Variants in USP26 observed in about 807,000 individuals in gnomAD.
USP26 encodes ubiquitin carboxyl-terminal hydrolase 26.
For missense variants in USP26, 649 were observed against 642.3 expected, an observed-to-expected ratio of 1.01 and a Z score of -0.11; for synonymous variants, 236 against 240.6, an observed-to-expected ratio of 0.98 and a Z score of 0.18.
At chrX:133,082,228 C>T (rs1270729670) in intron 5 of USP26, among the ~76,000 whole-genome samples, 3 of 111,888 alleles carry the variant, frequency 2.7e-5, no homozygotes, top group Non-Finnish European at 3.8e-5. Context: ...TACAAAAAGC[C>T]GCTGTTCACA....
chrX:133,078,872 T>C (rs751433116), intron 5 of USP26, among the ~76,000 whole-genome samples: 6 of 112,324 alleles, frequency 5.3e-5, no homozygotes, highest in African/African-American at 1.6e-4. Flanking sequence ...TAACTGTTCA[T>C]TTCAGAAACT....
chrX:133,049,141 T>G (rs913621444), intron 5 of USP26, among the ~76,000 whole-genome samples: 2 of 112,195 alleles, frequency 1.8e-5, no homozygotes, highest in African/African-American at 3.2e-5. Flanking sequence ...GCGGTTGTTT[T>G]CAGCAATTTC....
intron 5 of USP26, among the ~76,000 whole-genome samples, chrX:133,063,853 T>C (rs1569510609): frequency 8.9e-5 from 10 of 112,070 alleles, no homozygotes; most frequent in Non-Finnish European, 1.5e-4. Flanking sequence ...AGCAGCATGA[T>C]GACAAGATCA....
chrX:133,086,140 T>C (rs1404903000), intron 4 of USP26, among the ~76,000 whole-genome samples: 2 of 112,033 alleles, frequency 1.8e-5, no homozygotes, highest in Admixed American at 1.9e-4. Flanking sequence ...ATACAAAATA[T>C]TGTAAAATAA....
At chrX:133,082,479 ATGT>A (rs1271812343) in intron 5 of USP26, among the ~76,000 whole-genome samples, 1 of 112,080 alleles carries the variant, frequency 8.9e-6, no homozygotes, top group Non-Finnish European at 1.9e-5. Flanking sequence ...ACACAACCAC[ATGT>A]TGTAGCTTCT....
chrX:133,027,939 C>G lies in USP26; in HGVS notation c.282G>C (p.Leu94Phe). 2 of 1,211,040 alleles carry G rather than the reference C, an allele frequency of 1.7e-6. No homozygotes were observed. Among genetic ancestry groups the G allele is most frequent in the Non-Finnish European group, 2.2e-6 (2 of 895,053 alleles). ...GATGAACTCTGTCCAAGAATATCTT[C>G]AATTGTTCAGCATCTGTGGAGGATA... ...EGLSSTDAEQ[L>F]KIFLDRVHQN... The change falls in exon 6 of 6, where the codon TTG becomes TTC. Residue 94 changes from leucine (L) to phenylalanine (F), a missense_variant. Coordinates refer to ENST00000511190, the MANE Select transcript of USP26 (RefSeq NM_031907.3).
At chrX:133,078,240 A>G (rs746737915) in intron 5 of USP26, among the ~76,000 whole-genome samples, 181 of 111,400 alleles carry the variant, frequency 1.6e-3, no homozygotes, top group Non-Finnish European at 2.7e-3. Flanking sequence ...CCATGCCTCT[A>G]TTTGCCTGCA....
At chrX:133,065,333 A>C (rs1416376751) in intron 5 of USP26, among the ~76,000 whole-genome samples, 1 of 112,072 alleles carries the variant, frequency 8.9e-6, no homozygotes, top group Non-Finnish European at 1.9e-5. Context: ...TTCTGAAACC[A>C]TTCCAAACAA....
chrX:133,030,850 G>A (rs1454733690), intron 5 of USP26, among the ~76,000 whole-genome samples: 1 of 112,084 alleles, frequency 8.9e-6, no homozygotes, highest in Admixed American at 9.5e-5. Flanking sequence ...GATGCTTTAA[G>A]AAGAGAACCA....
intron 5 of USP26, among the ~76,000 whole-genome samples, chrX:133,044,407 C>A (rs758856788): frequency 8.9e-6 from 1 of 112,985 alleles, no homozygotes; most frequent in Admixed American, 9.2e-5. Flanking sequence ...CGGGGCTGCA[C>A]GCAGTGCTTG....
chrX:133,041,170 C>T (rs1490603683), intron 5 of USP26, among the ~76,000 whole-genome samples: 1 of 110,851 alleles, frequency 9.0e-6, no homozygotes, highest in Non-Finnish European at 1.9e-5. Context: ...TGTTATTACC[C>T]ACCTTCTGAA....
chrX:133,026,403 C>T lies in USP26; in HGVS notation c.1818G>A (p.Lys606=). ...DILAPHIGSD[K]ESEQKKGQTV... ...TCTGGCCTTTTTTTTGTTCAGACTCCTTATCTGATCCAATGTGTGGAGCCA... is the reference window on the plus strand; with the variant it reads ...TCTGGCCTTTTTTTTGTTCAGACTCTTTATCTGATCCAATGTGTGGAGCCA... Residue 606 remains lysine, a synonymous_variant, in exon 6 of 6, where the codon AAG becomes AAA. Coordinates refer to ENST00000511190, the MANE Select transcript of USP26 (RefSeq NM_031907.3). The T allele has an allele frequency of 2.5e-6, 3 of 1,207,515 alleles. No individual in the cohort carries two copies. The highest frequency in any genetic ancestry group is 3.4e-6 in the Non-Finnish European group (3 of 894,472).
At chrX:133,037,009 A>C (rs1213938368) in intron 5 of USP26, among the ~76,000 whole-genome samples, 1 of 111,897 alleles carries the variant, frequency 8.9e-6, no homozygotes. Flanking sequence ...TCCTTCACGC[A>C]CTTTTTGATG....
chrX:133,028,224 T>C lies in USP26; in HGVS notation c.-4A>G, dbSNP rs975640645. 8 of 1,210,218 alleles carry C rather than the reference T, an allele frequency of 6.6e-6. No homozygotes were observed. Among genetic ancestry groups the C allele is most frequent in the Non-Finnish European group, 7.8e-6 (7 of 894,105 alleles). ...CACGTAGGAATAGGGCAGCCATGTT[T>C]TCTTTACAAATAAAATATACGTATC... On this transcript the variant is annotated 5_prime_UTR_variant, in exon 6 of 6. Coordinates refer to ENST00000511190, the MANE Select transcript of USP26 (RefSeq NM_031907.3).
Position 133,074,980 on chromosome X carries a change from A to C in USP26, c.-77+8727T>G, listed in dbSNP as rs192546483. ...ATAATCTAATAAAGCCTCTGTACTC[A>C]GGGTCAAATGACATTAGTGCTTAGG... On this transcript the variant is annotated intron_variant, in intron 5 of 5. Coordinates refer to ENST00000511190, the MANE Select transcript of USP26 (RefSeq NM_031907.3). 6.8e-3 allele frequency among the ~76,000 whole-genome samples: 758 copies of C among 112,020 alleles called. 2 individuals carry two copies. The highest frequency in any genetic ancestry group is 0.011 in the Non-Finnish European group (580 of 53,162).
At chrX:133,043,343 C>T (rs1453609914) in intron 5 of USP26, among the ~76,000 whole-genome samples, 2 of 112,416 alleles carry the variant, frequency 1.8e-5, no homozygotes. Context: ...CCCAGACACA[C>T]AGGTCCTTTT....
intron 5 of USP26, among the ~76,000 whole-genome samples, chrX:133,080,450 G>C (rs2067566146): frequency 9.0e-6 from 1 of 111,628 alleles, no homozygotes; most frequent in African/African-American, 3.3e-5. Context: ...AGGCACAGCA[G>C]AAAGACATGG....
rs922616352 is a variant in USP26 at position 133,026,864 on chromosome X, G to T, written c.1357C>A (p.Gln453Lys). The change falls in exon 6 of 6, where the codon CAG (glutamine) becomes AAG (lysine). Residue 453 changes from glutamine (Q) to lysine (K), a missense_variant. Physicochemically the swap from Gln to Lys is moderately conservative, Grantham distance 53 (BLOSUM62 1). Transcript: ENST00000511190. Reference protein sequence around the residue: ...LHSIACKACGQVILKTELNNY... With the variant: ...LHSIACKACGKVILKTELNNY... ...TTCAGTTCTGTCTTGAGAATAACCT[G>T]ACCACAAGCTTTACAAGCAATGGAG... The T allele has an allele frequency of 5.0e-6, 6 of 1,209,180 alleles. No individual in the cohort carries two copies. In the African/African-American group the frequency reaches 8.8e-5, roughly 18 times the overall value.
At position 133,028,253 on chromosome X, in the gene USP26, G is replaced by A. The variant is rs372091919; in HGVS notation, c.-33C>T. The A allele has an allele frequency of 1.8e-4, 212 of 1,202,720 alleles. No homozygotes were observed. The highest frequency in any genetic ancestry group is 6.9e-4 in the South Asian group (39 of 56,226). ...TTACAAATAAAATATACGTATCTCC[G>A]ATTATTGATAATCTTGAAGTTCCAA... is the stretch of plus-strand genomic sequence containing the variant. On this transcript the variant is annotated 5_prime_UTR_variant, in exon 6 of 6. Transcript: ENST00000511190.
Sources: allele counts gnomAD v4.1 joint callset (sites outside exome capture counted in the v4.1 genomes callset), GRCh38; gene constraint gnomAD v4.1.1; transcripts MANE v1.5; gene names NCBI Gene and HGNC (gene_info 2026-07-23, HGNC 2026-07-21).